PRL: variants seen among roughly 807,000 people sequenced by gnomAD.
The protein encoded by PRL is prolactin.
In PRL, 24 loss-of-function variants were observed where a neutral mutation model predicts 21.3. The ratio of observed to expected loss-of-function variants is 1.13; its 90% CI spans 0.82 to 1.59. The LOEUF (loss-of-function observed/expected upper bound fraction) is 1.59, where lower values mean the gene tolerates loss of function less well. Ranked by LOEUF, PRL falls within the 40% of genes most tolerant of loss-of-function variation. The pLI is 0.00. For synonymous variants in PRL, 118 were observed against 115.7 expected, an observed-to-expected ratio of 1.02 and a Z score of -0.13; for missense variants, 243 against 286.9, an observed-to-expected ratio of 0.85 and a Z score of 1.10.
chr6:22,301,938 T>C (rs1178329579), upstream of PRL, among the ~76,000 whole-genome samples: 2 of 152,172 alleles, frequency 1.3e-5, no homozygotes, highest in Non-Finnish European at 2.9e-5. Context: ...ACTAGGCTTT[T>C]AAATGATATA....
Position 22,287,602 on chromosome 6 carries a change from AC to A in PRL, c.493-10del. 6.3e-7 allele frequency: 1 copy of A among 1,576,172 alleles called. No homozygotes were observed. The highest frequency in any genetic ancestry group is 1.7e-4 in the Middle Eastern group (1 of 5,910). On this transcript the variant is annotated splice_polypyrimidine_tract_variant and intron_variant, in intron 4 of 4. Transcript: ENST00000306482. Reference sequence around the variant, plus strand: ...TTGGTTTCAGGATGAACCTAATCACACAAAAAAAGAGTGACTTATTCTTCAT... The same window carrying A: ...TTGGTTTCAGGATGAACCTAATCACAAAAAAAAGAGTGACTTATTCTTCAT...
Position 22,288,459 on chromosome 6 carries a change from C to T in PRL, c.493-866G>A, listed in dbSNP as rs911986648. On this transcript the variant is annotated intron_variant, in intron 4 of 4. Coordinates refer to ENST00000306482, the MANE Select transcript of PRL (RefSeq NM_000948.6). This position sits in a 1 kb window ranked among gnomAD's most constrained non-coding sequence, Gnocchi z 4.5. ...CTGAGGCATGAGGATCGCTTGAACC[C>T]AGGAGGCAGAGATTGTGGTGAGCCG... 2.0e-5 allele frequency among the ~76,000 whole-genome samples: 3 copies of T among 151,842 alleles called. No homozygotes were observed. The highest frequency in any genetic ancestry group is 2.9e-5 in the Non-Finnish European group (2 of 67,972).
chr6:22,294,482 C>T lies in PRL; in HGVS notation c.131G>A (p.Arg44Gln), dbSNP rs1167633349. The change falls in exon 2 of 5, where the codon CGA (arginine) becomes CAA (glutamine). Residue 44 changes from arginine to glutamine, a missense_variant. Coordinates refer to ENST00000306482, the MANE Select transcript of PRL (RefSeq NM_000948.6). The part of the protein sequence containing the change: ...GGAARCQVTL[R>Q]DLFDRAVVLS... The stretch of plus-strand genomic sequence containing the variant: ...GACGACGGCGCGGTCAAACAGGTCT[C>T]GAAGGGTCACCTGGCATCGGGCAGC... The T allele has an allele frequency of 8.1e-6, 13 of 1,613,986 alleles. No homozygotes were observed. The highest frequency in any genetic ancestry group is 1.1e-5 in the Non-Finnish European group (13 of 1,180,042).
chr6:22,292,545 T>A lies in PRL; in HGVS notation c.305A>T (p.Gln102Leu). The A allele has an allele frequency of 5.6e-6, 9 of 1,614,054 alleles. No homozygotes were observed. The highest frequency in any genetic ancestry group is 7.6e-6 in the Non-Finnish European group (9 of 1,179,926). The change falls in exon 3 of 5, where the codon CAG (glutamine) becomes CTG (leucine). Residue 102 changes from glutamine (Q) to leucine (L), a missense_variant. Transcript: ENST00000306482. ...CCTGGATGAAGGACTCACATTCATC[T>A]GTTGGGCTTGCTCCTTGTCTTCGGG... is the stretch of plus-strand genomic sequence containing the variant. ...ATPEDKEQAQQMNQKDFLSLI... is the reference protein window; with the variant it reads ...ATPEDKEQAQLMNQKDFLSLI...
chr6:22,296,932 A>G (rs1761191497), intron 1 of PRL, 23 bp downstream of exon 1: 1 of 1,612,628 alleles, frequency 6.2e-7, no homozygotes, highest in Non-Finnish European at 8.5e-7. Context: ...ACAACCAACA[A>G]CGCAGTGAGT....
At chr6:22,298,246 A>G (rs1761217025), upstream of PRL, among the ~76,000 whole-genome samples, 1 of 152,220 alleles carries the variant, frequency 6.6e-6, no homozygotes, top group African/African-American at 2.4e-5. Context: ...GGTGACAAAA[A>G]TTCATCTTTC....
upstream of PRL, among the ~76,000 whole-genome samples, chr6:22,300,101 T>C (rs1423052870): frequency 2.0e-5 from 3 of 152,162 alleles, no homozygotes; most frequent in African/African-American, 7.2e-5. Context: ...ACGTGTGCTG[T>C]TTTCAATATA....
At chr6:22,294,007 T>C (rs1310136277) in intron 2 of PRL, among the ~76,000 whole-genome samples, 1 of 152,180 alleles carries the variant, frequency 6.6e-6, no homozygotes, top group Non-Finnish European at 1.5e-5. Context: ...CCACCCAATT[T>C]GCTGCAGTGC....
At chr6:22,289,834 G>A (rs1761008007) in intron 4 of PRL, among the ~76,000 whole-genome samples, 2 of 152,224 alleles carry the variant, frequency 1.3e-5, no homozygotes, top group Non-Finnish European at 1.5e-5. Context: ...TCAATAGTGG[G>A]TGTCCTGGGA....
chr6:22,294,200 A>C (rs1761124171), intron 2 of PRL, among the ~76,000 whole-genome samples: 1 of 152,216 alleles, frequency 6.6e-6, no homozygotes, highest in Non-Finnish European at 1.5e-5. Flanking sequence ...GAAAAAATTT[A>C]AGTCATTACA....
At chr6:22,292,187 C>T (rs943939754) in intron 3 of PRL, among the ~76,000 whole-genome samples, 1 of 152,126 alleles carries the variant, frequency 6.6e-6, no homozygotes, top group Non-Finnish European at 1.5e-5. Context: ...AATAAAACTG[C>T]ATTTCTTTTT....
At chr6:22,298,082 C>G (rs1761214439), upstream of PRL, among the ~76,000 whole-genome samples, 1 of 152,182 alleles carries the variant, frequency 6.6e-6, no homozygotes, top group Non-Finnish European at 1.5e-5. Context: ...TGTGCACACA[C>G]ACAGACACAC....
chr6:22,298,651 A>T (rs541964000), upstream of PRL, among the ~76,000 whole-genome samples: 1 of 152,272 alleles, frequency 6.6e-6, no homozygotes, highest in East Asian at 1.9e-4. Flanking sequence ...GACTCTCTCA[A>T]TCTGAAAGCT....
chr6:22,296,882 A>G, intron 1 of PRL, 73 bp downstream of exon 1: 1 of 1,493,790 alleles, frequency 6.7e-7, no homozygotes, highest in Non-Finnish European at 9.2e-7. Flanking sequence ...TCTTGTTATT[A>G]GTTAAAATTT....
upstream of PRL, among the ~76,000 whole-genome samples, chr6:22,302,416 TAA>T (rs1761299352): frequency 6.6e-6 from 1 of 151,858 alleles, no homozygotes; most frequent in Admixed American, 6.6e-5. Context: ...CTTATTGAAA[TAA>T]AAAAGACTCA....
chr6:22,288,105 A>G lies in PRL; in HGVS notation c.493-512T>C, dbSNP rs1232683755. ...ACTCACACTTGATGCTTTGGGGTACAGATAATTTAGTGATGACCATGACTA... is the reference window on the plus strand; with the variant it reads ...ACTCACACTTGATGCTTTGGGGTACGGATAATTTAGTGATGACCATGACTA... On this transcript the variant is annotated intron_variant, in intron 4 of 4. Transcript: ENST00000306482. This position sits in a 1 kb window ranked among gnomAD's most constrained non-coding sequence, Gnocchi z 4.5. 1.3e-5 allele frequency among the ~76,000 whole-genome samples: 2 copies of G among 152,202 alleles called. No homozygotes were observed. Among genetic ancestry groups the G allele is most frequent in the Non-Finnish European group, 2.9e-5 (2 of 68,032 alleles).
At chr6:22,291,829 G>T (rs571761219) in intron 3 of PRL, among the ~76,000 whole-genome samples, 3 of 152,274 alleles carry the variant, frequency 2.0e-5, no homozygotes, top group Admixed American at 1.3e-4. Flanking sequence ...CTGTGATTAT[G>T]GTAGACAACC....
At chr6:22,296,876 G>T in intron 1 of PRL, 79 bp downstream of exon 1, 2 of 1,473,546 alleles carry the variant, frequency 1.4e-6, no homozygotes, top group Non-Finnish European at 1.9e-6. Flanking sequence ...GCAAGCTCTT[G>T]TTATTAGTTA....
At chr6:22,299,100 C>T (rs912276699), upstream of PRL, among the ~76,000 whole-genome samples, 2 of 152,212 alleles carry the variant, frequency 1.3e-5, no homozygotes, top group Non-Finnish European at 2.9e-5. Flanking sequence ...CTTCTAACTG[C>T]TATGCATGTT....
Sources: gnomAD v4.1 joint callset for allele counts (sites outside exome capture counted in the v4.1 genomes callset) on GRCh38, gnomAD v4.1.1 for gene constraint, Gnocchi (gnomAD v3.1) non-coding constraint, MANE v1.5 for transcripts, NCBI Gene and HGNC (gene_info 2026-07-23, HGNC 2026-07-21) for gene names.